Variants in ATP2C2 observed in about 807,000 individuals in gnomAD.
ATP2C2 encodes ATPase secretory pathway Ca2+ transporting 2.
In ATP2C2, 171 loss-of-function variants were observed where a neutral mutation model predicts 110.8. The ratio of observed to expected loss-of-function variants is 1.54; its 90% confidence interval spans 1.36 to 1.75. ATP2C2 has a LOEUF of 1.75. Among genes scored for constraint, ATP2C2 ranks in the 40% most tolerant of loss-of-function variants. The probability of loss-of-function intolerance (pLI) is 0.00; values close to 1 mark genes in which losing one functional copy is unlikely to be tolerated. For synonymous variants in ATP2C2, 804 were observed against 508.4 expected (o/e 1.58, Z -7.82); for missense variants, 1,963 against 1,235.0 (o/e 1.59, Z -8.84).
chr16:84,381,576 T>A (rs1460787738), intron 1 of ATP2C2, among the ~76,000 whole-genome samples: 2 of 151,944 alleles, frequency 1.3e-5, no homozygotes, highest in African/African-American at 4.8e-5. Flanking sequence ...GACTCTGTCC[T>A]GAAAAAAAGA....
chr16:84,429,484 C>T (rs1237564376), intron 11 of ATP2C2, among the ~76,000 whole-genome samples: 7 of 152,146 alleles, frequency 4.6e-5, no homozygotes, highest in African/African-American at 9.7e-5. Context: ...ATTTATCCTT[C>T]GGTGTTACTG....
At chr16:84,390,676 C>G (rs923886227) in intron 1 of ATP2C2, among the ~76,000 whole-genome samples, 2 of 152,020 alleles carry the variant, frequency 1.3e-5, no homozygotes, top group Non-Finnish European at 2.9e-5. Flanking sequence ...CTCTGGCGGG[C>G]GGTGAAAGTG....
At chr16:84,419,655 C>T (rs573555726) in intron 7 of ATP2C2, among the ~76,000 whole-genome samples, 48 of 151,814 alleles carry the variant, frequency 3.2e-4, no homozygotes, top group South Asian at 1.0e-3. Context: ...TCCCTTGGGG[C>T]CCCCGACCCC....
At position 84,440,935 on chromosome 16, in the gene ATP2C2, G is replaced by A; in HGVS notation, c.1288G>A (p.Val430Ile). 6.2e-7 allele frequency: 1 copy of A among 1,612,876 alleles called. No individual in the cohort carries two copies. Among genetic ancestry groups the A allele is most frequent in the Non-Finnish European group, 8.5e-7 (1 of 1,179,636 alleles). Reference protein sequence around the residue: ...SKEVIKEFSNVSVGKLVEAGC... With the variant: ...SKEVIKEFSNISVGKLVEAGC... ...GGAAGTCATTAAGGAATTTTCCAAT[G>A]TCTCAGTGGGAAAGTTAGTGGAGGT... Residue 430 changes from valine (V) to isoleucine (I), a missense_variant, in exon 14 of 27, where the codon GTC becomes ATC. Coordinates refer to ENST00000262429, the MANE Select transcript of ATP2C2 (RefSeq NM_014861.4).
At chr16:84,408,682 G>C (rs559582283) in intron 4 of ATP2C2, among the ~76,000 whole-genome samples, 188 bp downstream of exon 4, 1 of 152,110 alleles carries the variant, frequency 6.6e-6, no homozygotes, top group African/African-American at 2.4e-5. Context: ...GGTTTATTCG[G>C]CCACTGCTTG....
rs781690343 is a variant in ATP2C2, at chr16:84,415,508, C to T, written c.541C>T (p.Leu181=). Residue 181 remains leucine, a synonymous_variant, in exon 7 of 27, where the codon CTG becomes TTG. Coordinates refer to ENST00000262429, the MANE Select transcript of ATP2C2 (RefSeq NM_014861.4). ...CCTAAGAGAAGGAAAACTCCAGCAC[C>T]TGCTTGCTCGAGAACTGGTTCCTGG... ...NCLREGKLQH[L]LARELVPGDV... The T allele has an allele frequency of 6.2e-7, 1 of 1,614,058 alleles. No individual in the cohort carries two copies. The highest frequency in any genetic ancestry group is 1.3e-5 in the African/African-American group (1 of 74,924).
chr16:84,394,803 T>G, intron 1 of ATP2C2, among the ~76,000 whole-genome samples: 1 of 152,174 alleles, frequency 6.6e-6, no homozygotes, highest in Non-Finnish European at 1.5e-5. Context: ...TGTGCATGTT[T>G]ATCTCTGCAA....
chr16:84,455,847 A>T (rs904282220), intron 21 of ATP2C2, among the ~76,000 whole-genome samples: 3 of 143,918 alleles, frequency 2.1e-5, no homozygotes, highest in African/African-American at 7.8e-5. Flanking sequence ...AGGGTTGTTG[A>T]ATTTTGTCAA....
chr16:84,429,955 G>C (rs1042472010), intron 11 of ATP2C2, among the ~76,000 whole-genome samples: 1 of 152,158 alleles, frequency 6.6e-6, no homozygotes, highest in Admixed American at 6.5e-5. Flanking sequence ...AGGCAGTCCT[G>C]AGCACATAGA....
At chr16:84,391,522 T>C (rs1904662039) in intron 1 of ATP2C2, among the ~76,000 whole-genome samples, 2 of 152,198 alleles carry the variant, frequency 1.3e-5, no homozygotes, top group Non-Finnish European at 2.9e-5. Flanking sequence ...CCTAACCCAA[T>C]GACTGGGGTC....
At chr16:84,401,311 C>T (rs543530067) in intron 2 of ATP2C2, among the ~76,000 whole-genome samples, 2 of 147,652 alleles carry the variant, frequency 1.4e-5, no homozygotes, top group South Asian at 2.1e-4. Context: ...GCAACCTCTG[C>T]CTCCTGGGTT....
At chr16:84,380,329 T>G (rs1328603093) in intron 1 of ATP2C2, among the ~76,000 whole-genome samples, 1 of 152,250 alleles carries the variant, frequency 6.6e-6, no homozygotes, top group Non-Finnish European at 1.5e-5. Context: ...TACTATCTTG[T>G]GTGAACCGGG....
At chr16:84,440,535 G>T (rs1004150739) in intron 13 of ATP2C2, among the ~76,000 whole-genome samples, 2 of 152,190 alleles carry the variant, frequency 1.3e-5, no homozygotes, top group Non-Finnish European at 2.9e-5. Flanking sequence ...GGGCTGCAAA[G>T]GCTAACACGT....
chr16:84,398,728 G>A, intron 2 of ATP2C2, 119 bp downstream of exon 2: 1 of 799,050 alleles, frequency 1.3e-6, no homozygotes, highest in East Asian at 3.0e-5. Context: ...TTATCATCAA[G>A]GTTGGAAAAT....
At chr16:84,426,658 A>C (rs1907839086) in intron 11 of ATP2C2, among the ~76,000 whole-genome samples, 1 of 152,164 alleles carries the variant, frequency 6.6e-6, no homozygotes, top group African/African-American at 2.4e-5. Flanking sequence ...TAAAGGAGTT[A>C]GTCTGTGCAA....
At chr16:84,451,788 A>T (rs1192725775) in intron 17 of ATP2C2, 133 bp from the exon 18 acceptor site, 30 of 899,610 alleles carry the variant, frequency 3.3e-5, no homozygotes, top group Non-Finnish European at 2.7e-5. Context: ...CAGTGAGCCA[A>T]CATTACACCA....
intron 24 of ATP2C2, chr16:84,461,175 C>G (rs1567468210): frequency 3.8e-6 from 1 of 260,688 alleles, no homozygotes; most frequent in Non-Finnish European, 7.3e-6. Context: ...TGCTTTGGAT[C>G]TAGGCCTGGG....
chr16:84,440,403 G>A (rs1426344000), intron 13 of ATP2C2, among the ~76,000 whole-genome samples: 2 of 152,240 alleles, frequency 1.3e-5, no homozygotes, highest in African/African-American at 4.8e-5. Flanking sequence ...GCCAGTGCTT[G>A]TTTGAAAATA....
intron 2 of ATP2C2, chr16:84,404,490 A>G (rs745376337): frequency 3.4e-4 from 57 of 168,440 alleles, no homozygotes; most frequent in Non-Finnish European, 6.1e-4. Flanking sequence ...TCAAGGTTCA[A>G]CTTAAAGGTG....
Sources: allele counts gnomAD v4.1 joint callset (sites outside exome capture counted in the v4.1 genomes callset), GRCh38; gene constraint gnomAD v4.1.1; transcripts MANE v1.5; gene names NCBI Gene and HGNC (gene_info 2026-07-23, HGNC 2026-07-21).